The following CLEC4C variants were observed in gnomAD, a reference collection of about 807,000 sequenced individuals.
The protein encoded by CLEC4C is C-type (calcium dependent, carbohydrate-recognition domain) lectin, superfamily member 11.
A neutral mutation model predicts 27.7 loss-of-function variants in CLEC4C; 17 were observed. The ratio of observed to expected loss-of-function variants is 0.61; its 90% CI spans 0.42 to 0.92. CLEC4C has a LOEUF of 0.92. CLEC4C is among the 40% of genes least tolerant of loss of function. The pLI is 0.00. For synonymous variants in CLEC4C, 80 were observed against 80.8 expected (o/e 0.99, Z 0.06); for missense variants, 244 against 257.3 (o/e 0.95, Z 0.35).
chr12:7,737,117 G>A (rs1488013590), intron 4 of CLEC4C, among the ~76,000 whole-genome samples: 5 of 151,884 alleles, frequency 3.3e-5, no homozygotes, highest in Admixed American at 3.3e-4. Context: ...TATCCTCCCA[G>A]CTACTTGGGA....
intron 2 of CLEC4C, among the ~76,000 whole-genome samples, chr12:7,744,960 A>C (rs2120437336): frequency 6.6e-6 from 1 of 152,090 alleles, no homozygotes; most frequent in African/African-American, 2.4e-5. Flanking sequence ...GAAGATTAAA[A>C]CCCCACAGTA....
At chr12:7,747,153 G>C (rs1865001496) in intron 1 of CLEC4C, among the ~76,000 whole-genome samples, 165 bp downstream of exon 1, 1 of 152,096 alleles carries the variant, frequency 6.6e-6, no homozygotes, top group East Asian at 1.9e-4. Flanking sequence ...ATCTTTCCCT[G>C]ATCCAAGTAT....
At chr12:7,734,803 C>T (rs1381944899) in intron 4 of CLEC4C, among the ~76,000 whole-genome samples, 1 of 152,052 alleles carries the variant, frequency 6.6e-6, no homozygotes, top group African/African-American at 2.4e-5. Flanking sequence ...CCGCCTCAGC[C>T]TCCCAAAGTG....
intron 4 of CLEC4C, among the ~76,000 whole-genome samples, chr12:7,731,828 T>A (rs1325596797): frequency 6.6e-6 from 1 of 151,922 alleles, no homozygotes; most frequent in African/African-American, 2.4e-5. Context: ...GTAAAGGGAG[T>A]CTGTAATCTC....
chr12:7,736,969 G>C (rs181749525), intron 4 of CLEC4C, among the ~76,000 whole-genome samples: 2 of 152,162 alleles, frequency 1.3e-5, no homozygotes, highest in African/African-American at 4.8e-5. Context: ...GGTGGCTCAC[G>C]CCTATAATCC....
intron 2 of CLEC4C, among the ~76,000 whole-genome samples, chr12:7,743,834 G>A (rs746954949): frequency 3.6e-4 from 54 of 151,866 alleles, no homozygotes; most frequent in African/African-American, 1.3e-3. Context: ...AGGAATACCT[G>A]AGACTTGGTA....
rs182780304 is a variant in CLEC4C, at chr12:7,740,020, G to A, written c.235+1401C>T. On this transcript the variant is annotated intron_variant, in intron 3 of 5. Coordinates refer to ENST00000360345, the MANE Select transcript of CLEC4C (RefSeq NM_001371390.1). The stretch of plus-strand genomic sequence containing the variant: ...CGGGTAATTTTGTATTTTTAATAGA[G>A]ACAGGGTTTCTCCATGTTGGTTAGG... Among the ~76,000 whole-genome samples, 88 of 151,916 alleles carry A rather than the reference G, an allele frequency of 5.8e-4. 2 individuals carry two copies. Among genetic ancestry groups the A allele is most frequent in the Admixed American group, 5.4e-3 (82 of 15,216 alleles).
At chr12:7,737,290 G>GT in intron 4 of CLEC4C, 139 bp downstream of exon 4, 3 of 689,502 alleles carry the variant, frequency 4.4e-6, no homozygotes, top group Non-Finnish European at 4.5e-6. Flanking sequence ...ATTTTCCTGT[G>GT]TTTTTTGTTT....
chr12:7,742,690 A>G, intron 2 of CLEC4C, among the ~76,000 whole-genome samples: 2 of 150,690 alleles, frequency 1.3e-5, no homozygotes, highest in African/African-American at 4.9e-5. Context: ...GTGTCTATTA[A>G]TCCCAGCTAC....
At chr12:7,733,179 C>G (rs1274231425) in intron 4 of CLEC4C, among the ~76,000 whole-genome samples, 1 of 151,818 alleles carries the variant, frequency 6.6e-6, no homozygotes, top group Non-Finnish European at 1.5e-5. Flanking sequence ...TAACAGAGAT[C>G]TAACTCTAGA....
chr12:7,737,342 T>C (rs1273480852), intron 4 of CLEC4C, 87 bp downstream of exon 4: 1 of 1,018,306 alleles, frequency 9.8e-7, no homozygotes, highest in African/African-American at 1.7e-5. Flanking sequence ...TTTTTTCCTG[T>C]CTTTGAACTT....
At position 7,729,602 on chromosome 12, in the gene CLEC4C, G is replaced by A. The variant is rs1864542419; in HGVS notation, c.636C>T (p.Tyr212=). 6.2e-7 allele frequency: 1 copy of A among 1,613,340 alleles called. No individual in the cohort carries two copies. Among genetic ancestry groups the A allele is most frequent in the Non-Finnish European group, 8.5e-7 (1 of 1,179,640 alleles). Residue 212 remains tyrosine, a synonymous_variant, in exon 6 of 6, where the codon TAC becomes TAT. Transcript: ENST00000360345. The stretch of plus-strand genomic sequence containing the variant: ...TCCAGGGAGAATATTTCATTTATAT[G>A]TAGATCTTCTTCATCTTGCAAATTG... ...QKSICKMKKI[Y]I is the part of the protein sequence containing the mutation.
upstream of CLEC4C, among the ~76,000 whole-genome samples, chr12:7,748,030 T>C (rs1865024352): frequency 6.6e-6 from 1 of 151,020 alleles, no homozygotes; most frequent in Non-Finnish European, 1.5e-5. Flanking sequence ...AGTCCTGGGG[T>C]TACCGTTGTG....
chr12:7,748,817 G>C (rs1865042317), upstream of CLEC4C, among the ~76,000 whole-genome samples: 1 of 152,260 alleles, frequency 6.6e-6, no homozygotes, highest in East Asian at 1.9e-4. Flanking sequence ...ATTTAAAATA[G>C]AACAAATTAT....
At chr12:7,734,115 T>G (rs1260204778) in intron 4 of CLEC4C, among the ~76,000 whole-genome samples, 1 of 152,162 alleles carries the variant, frequency 6.6e-6, no homozygotes, top group African/African-American at 2.4e-5. Flanking sequence ...CAGATTATTT[T>G]GAATGTACAT....
At chr12:7,741,281 A>C (rs1462362549) in intron 3 of CLEC4C, 140 bp downstream of exon 3, 1 of 603,386 alleles carries the variant, frequency 1.7e-6, no homozygotes. Context: ...TGTCTATTTA[A>C]GATACCAAGT....
chr12:7,745,424 CTTTTTTTTT>C lies in CLEC4C; in HGVS notation c.124+898_124+906del, dbSNP rs140956970. Among the ~76,000 whole-genome samples, 178 of 48,192 alleles carry C rather than the reference CTTTTTTTTT, an allele frequency of 3.7e-3. 3 individuals carry two copies. Among genetic ancestry groups the C allele is most frequent in the African/African-American group, 0.014 (159 of 11,340 alleles). The allele number at this position is 48,192 out of a possible 152,430, so 31.6% of individuals were successfully genotyped here. A position where few individuals can be genotyped will look rare whatever the true frequency, so the allele number is the denominator to read the frequency against. On this transcript the variant is annotated intron_variant, in intron 2 of 5. Transcript: ENST00000360345. ...TGTTTTTTAACTCACTCAGTCTATG[CTTTTTTTTT>C]TTTTTTTTTTTTTTTTTGAGACAGA...
chr12:7,741,412 G>A lies in CLEC4C; in HGVS notation c.235+9C>T, dbSNP rs751102125. 1 of 1,454,808 alleles carries A rather than the reference G, an allele frequency of 6.9e-7. No individual in the cohort carries two copies. Among genetic ancestry groups the A allele is most frequent in the Non-Finnish European group, 9.7e-7 (1 of 1,034,118 alleles). The allele number at this position is 1,454,808 out of a possible 1,614,324, so 90.1% of individuals were successfully genotyped here. A position where few individuals can be genotyped will look rare whatever the true frequency, so the allele number is the denominator to read the frequency against. Reference sequence around the variant, plus strand: ...AAGGGAAGTCTTGTTGCCCATTGCAGAGTTGTACCTTCTATGTCCTTTCCT... The same window carrying A: ...AAGGGAAGTCTTGTTGCCCATTGCAAAGTTGTACCTTCTATGTCCTTTCCT... On this transcript the variant is annotated intron_variant, in intron 3 of 5. Coordinates refer to ENST00000360345, the MANE Select transcript of CLEC4C (RefSeq NM_001371390.1).
In CLEC4C at chr12:7,737,547, G is replaced by C; in HGVS notation, c.263C>G (p.Thr88Ser). ...AAAGTAGCAACTAGACTGAAATGAA[G>C]TCCAAGGGGTTGGGCAGCAGCTCCA... Reference protein sequence around the residue: ...EDWSCCPTPWTSFQSSCYFIS... With the variant: ...EDWSCCPTPWSSFQSSCYFIS... The change falls in exon 4 of 6, where the codon ACT becomes AGT. Residue 88 changes from threonine (T) to serine (S), a missense_variant. Coordinates refer to ENST00000360345, the MANE Select transcript of CLEC4C (RefSeq NM_001371390.1). 1.2e-6 allele frequency: 2 copies of C among 1,613,854 alleles called. No homozygotes were observed. Among genetic ancestry groups the C allele is most frequent in the Non-Finnish European group, 8.5e-7 (1 of 1,179,950 alleles).
Sources: allele counts gnomAD v4.1 joint callset (sites outside exome capture counted in the v4.1 genomes callset), GRCh38; gene constraint gnomAD v4.1.1; transcripts MANE v1.5; gene names NCBI Gene and HGNC (gene_info 2026-07-23, HGNC 2026-07-21).